The following CEP43 variants were observed in gnomAD, a reference collection of about 807,000 sequenced individuals.
CEP43 encodes centrosomal protein 43, also known as FGFR1 oncogene partner.
In CEP43, 36 loss-of-function variants were observed where a neutral mutation model predicts 52.6. That is an observed-to-expected ratio of 0.68 (90% CI 0.52 to 0.90). CEP43 has a LOEUF of 0.90. CEP43 is among the 40% of genes least tolerant of loss of function. CEP43 has a pLI of 0.00. For synonymous variants in CEP43, 192 were observed against 172.4 expected, an observed-to-expected ratio of 1.11 and a Z score of -0.89; for missense variants, 506 against 472.8, an observed-to-expected ratio of 1.07 and a Z score of -0.65.
intron 5 of CEP43, among the ~76,000 whole-genome samples, chr6:167,008,853 T>G (rs1193388236): frequency 6.6e-6 from 1 of 152,078 alleles, no homozygotes; most frequent in Non-Finnish European, 1.5e-5. Context: ...TTTAGAAGAT[T>G]TGTGGAGGTT....
At position 167,042,084 on chromosome 6, in the gene CEP43, C is replaced by A. The variant is rs755152928; in HGVS notation, c.*2106C>A. ...TTCCTGCCTTAGCCTCCTAAAGTGC[C>A]GGGATTACAGGCGTGAACCACCGCA... On this transcript the variant is annotated 3_prime_UTR_variant, in exon 13 of 13. Transcript: ENST00000366847. The A allele has an allele frequency of 6.2e-6, 6 of 962,894 alleles. No homozygotes were observed. Among genetic ancestry groups the A allele is most frequent in the Non-Finnish European group, 7.5e-6 (6 of 802,712 alleles). 59.6% of individuals were successfully genotyped at this position (962,894 alleles called of 1,614,324 possible).
At chr6:167,016,834 G>C (rs900893226) in intron 7 of CEP43, among the ~76,000 whole-genome samples, 2 of 151,900 alleles carry the variant, frequency 1.3e-5, no homozygotes, top group African/African-American at 2.4e-5. Flanking sequence ...GGAGAGAGGT[G>C]GGGGGCAGAG....
intron 12 of CEP43, among the ~76,000 whole-genome samples, chr6:167,035,082 C>T (rs2128667836): frequency 6.6e-6 from 1 of 152,250 alleles, no homozygotes; most frequent in Non-Finnish European, 1.5e-5. Flanking sequence ...GTGTGGCATC[C>T]CTTTGCCATT....
chr6:167,032,760 C>T lies in CEP43; in HGVS notation c.1028+118C>T, dbSNP rs887585068. The T allele has an allele frequency of 2.4e-5, 21 of 883,878 alleles. 1 individual carries two copies. The highest frequency in any genetic ancestry group is 1.5e-4 in the South Asian group (5 of 33,144). The allele number at this position is 883,878 out of a possible 1,614,324, so 54.8% of individuals were successfully genotyped here. On this transcript the variant is annotated intron_variant, in intron 11 of 12. Coordinates refer to ENST00000366847, the MANE Select transcript of CEP43 (RefSeq NM_007045.4). The stretch of plus-strand genomic sequence containing the variant: ...TTTTAATGTATTTGATTCTGTTGTT[C>T]ATATTGATTGAAGATGAAGAAAAGA...
In CEP43 at chr6:167,044,533, G is replaced by A. The variant is rs1780762797; in HGVS notation, c.*4555G>A. The A allele has an allele frequency of 6.1e-6, 6 of 985,370 alleles. No individual in the cohort carries two copies. The African/African-American group carries it at 8.7e-5, about 14-fold the overall frequency. The allele number at this position is 985,370 out of a possible 1,614,324, so 61.0% of individuals were successfully genotyped here. ...TCAAGGAAACCTGGGTGTGCACCGGGTGAATGAGAGTGGCAGACAGAAGGA... is the reference window on the plus strand; with the variant it reads ...TCAAGGAAACCTGGGTGTGCACCGGATGAATGAGAGTGGCAGACAGAAGGA... On this transcript the variant is annotated 3_prime_UTR_variant, in exon 13 of 13. Transcript: ENST00000366847.
chr6:167,022,033 A>T (rs1421096980), intron 7 of CEP43, among the ~76,000 whole-genome samples: 1 of 152,234 alleles, frequency 6.6e-6, no homozygotes, highest in Non-Finnish European at 1.5e-5. Flanking sequence ...TTATGAAGCA[A>T]TGACATATGG....
At chr6:167,025,860 A>G (rs1197666234) in intron 9 of CEP43, among the ~76,000 whole-genome samples, 1 of 152,264 alleles carries the variant, frequency 6.6e-6, no homozygotes, top group Non-Finnish European at 1.5e-5. Flanking sequence ...AAGGACTAAA[A>G]AACCAGTGAG....
Position 167,041,965 on chromosome 6 carries a change from AG to A in CEP43, c.*1989del, listed in dbSNP as rs1780708507. ...CAGCCTCCTGAGTAGCTGGGATTACAGGTGCACACCACCACGCCCGGCTAAT... is the reference window on the plus strand; with the variant it reads ...CAGCCTCCTGAGTAGCTGGGATTACAGTGCACACCACCACGCCCGGCTAAT... On this transcript the variant is annotated 3_prime_UTR_variant, in exon 13 of 13. Coordinates refer to ENST00000366847, the MANE Select transcript of CEP43 (RefSeq NM_007045.4). The A allele has an allele frequency of 5.0e-6, 2 of 396,814 alleles. No homozygotes were observed. Among genetic ancestry groups the A allele is most frequent in the South Asian group, 1.1e-4 (1 of 9,376 alleles). 24.6% of individuals were successfully genotyped at this position (396,814 alleles called of 1,614,324 possible).
chr6:166,999,720 G>T (rs1172665958), intron 1 of CEP43: 1 of 481,690 alleles, frequency 2.1e-6, no homozygotes, highest in Non-Finnish European at 3.6e-6. Context: ...GGAGGGCACC[G>T]CGGACTGGGG....
intron 2 of CEP43, among the ~76,000 whole-genome samples, chr6:167,001,219 C>T (rs1779728722): frequency 6.6e-6 from 1 of 152,220 alleles, no homozygotes; most frequent in African/African-American, 2.4e-5. Flanking sequence ...TTCCTTACTG[C>T]TTTAGAAGAA....
chr6:167,024,710 T>G, intron 8 of CEP43, 72 bp from the exon 9 acceptor site: 1 of 1,018,038 alleles, frequency 9.8e-7, no homozygotes, highest in Non-Finnish European at 1.5e-6. Context: ...TTGCTTTTGT[T>G]TCTGTGGCAG....
intron 7 of CEP43, among the ~76,000 whole-genome samples, chr6:167,019,759 G>T (rs2128663104): frequency 6.6e-6 from 1 of 152,252 alleles, no homozygotes; most frequent in East Asian, 1.9e-4. Flanking sequence ...GGTCAAACCT[G>T]TCAAATAATC....
Position 167,040,198 on chromosome 6 carries a change from G to C in CEP43, c.*220G>C. 2 of 1,526,706 alleles carry C rather than the reference G, an allele frequency of 1.3e-6. No homozygotes were observed. Among genetic ancestry groups the C allele is most frequent in the Non-Finnish European group, 1.7e-6 (2 of 1,143,960 alleles). The allele number at this position is 1,526,706 out of a possible 1,614,324, so 94.6% of individuals were successfully genotyped here. On this transcript the variant is annotated 3_prime_UTR_variant, in exon 13 of 13. Coordinates refer to ENST00000366847, the MANE Select transcript of CEP43 (RefSeq NM_007045.4). ...AAGATTTAATATTCTTAATTTAACT[G>C]TACATTTCTTTATGGAAATTGATTA...
intron 2 of CEP43, among the ~76,000 whole-genome samples, chr6:167,002,031 T>C (rs1779748160): frequency 6.6e-6 from 1 of 152,192 alleles, no homozygotes; most frequent in South Asian, 2.1e-4. Flanking sequence ...TTAACAACTT[T>C]ATTGAGGTAA....
chr6:167,024,856 G>C lies in CEP43; in HGVS notation c.881G>C (p.Ser294Thr). 6.2e-7 allele frequency: 1 copy of C among 1,611,724 alleles called. No homozygotes were observed. Among genetic ancestry groups the C allele is most frequent in the Non-Finnish European group, 8.5e-7 (1 of 1,178,534 alleles). Residue 294 changes from serine to threonine, a missense_variant, in exon 9 of 13, where the codon AGC (serine) becomes ACC (threonine). Transcript: ENST00000366847. ...SDAPPLKSGL[S>T]SLAGAPSLKD... ...GCACCCCCCTTAAAAAGTGGACTCA[G>C]CTCCCTGGCGGGAGCCCCTTCTTTA...
intron 1 of CEP43, 85 bp from the exon 2 acceptor site, chr6:166,999,975 C>T (rs1779695201): frequency 3.3e-6 from 4 of 1,209,068 alleles, no homozygotes; most frequent in African/African-American, 3.0e-5. Flanking sequence ...CGTTGGCTTG[C>T]TCGTGTTTGT....
rs1780854632 is a variant in CEP43, at chr6:167,050,447, G to A, written c.*10469G>A. The stretch of plus-strand genomic sequence containing the variant: ...TGTCGTTCACGTCTTTTATTTCCTT[G>A]TTGATCTTACTCTTAGTTGTTCTAT... On this transcript the variant is annotated 3_prime_UTR_variant, in exon 13 of 13. Transcript: ENST00000366847. 6.6e-6 allele frequency: 1 copy of A among 152,066 alleles called. No individual in the cohort carries two copies. 9.4% of individuals were successfully genotyped at this position (152,066 alleles called of 1,614,324 possible).
Position 167,022,670 on chromosome 6 carries a change from G to T in CEP43, c.806+35G>T, listed in dbSNP as rs562331353. 8.2e-6 allele frequency: 11 copies of T among 1,343,504 alleles called. No homozygotes were observed. In the Admixed American group the frequency reaches 1.6e-4, roughly 19 times the overall value. 83.2% of individuals were successfully genotyped at this position (1,343,504 alleles called of 1,614,324 possible). On this transcript the variant is annotated intron_variant, in intron 8 of 12. Transcript: ENST00000366847. The stretch of plus-strand genomic sequence containing the variant: ...TGGTTTTTGAGCTATGAGACTAGGG[G>T]TTTAAAAATAAGATAAATGTTTTCA...
intron 7 of CEP43, among the ~76,000 whole-genome samples, chr6:167,020,372 G>A (rs1342599774): frequency 6.6e-6 from 1 of 152,184 alleles, no homozygotes; most frequent in Non-Finnish European, 1.5e-5. Flanking sequence ...AGATGTAAAC[G>A]TATATCATAA....
Sources: gnomAD v4.1 joint callset for allele counts (sites outside exome capture counted in the v4.1 genomes callset) on GRCh38, gnomAD v4.1.1 for gene constraint, MANE v1.5 for transcripts, NCBI Gene and HGNC (gene_info 2026-07-23, HGNC 2026-07-21) for gene names.